PRKCE: variants seen among roughly 807,000 people sequenced by gnomAD.
PRKCE encodes the protein protein kinase C epsilon, also known as protein kinase C epsilon type.
Under a neutral mutation model 85.4 loss-of-function variants are expected in PRKCE, and 16 were observed. The observed-to-expected ratio is 0.19, with a 90% CI of 0.13 to 0.28. The LOEUF is 0.28. PRKCE is among the 10% of genes least tolerant of loss of function. The pLI, the probability that PRKCE is intolerant of heterozygous loss-of-function variation, is 1.00. For synonymous variants in PRKCE, 388 were observed against 371.5 expected, an observed-to-expected ratio of 1.04 and a Z score of -0.51; for missense variants, 573 against 975.2, an observed-to-expected ratio of 0.59 and a Z score of 5.49.
intron 1 of PRKCE, among the ~76,000 whole-genome samples, chr2:45,773,204 C>T (rs1278656100): frequency 6.6e-6 from 1 of 152,200 alleles, no homozygotes; most frequent in East Asian, 1.9e-4. Flanking sequence ...TCCAACTCTG[C>T]TCTCTGATGT....
chr2:45,670,295 T>C (rs997091814), intron 1 of PRKCE, among the ~76,000 whole-genome samples: 2 of 152,192 alleles, frequency 1.3e-5, no homozygotes, highest in African/African-American at 4.8e-5. Context: ...TTTTTCTTTC[T>C]GAAGGAGAAA....
chr2:46,014,107 C>T (rs1330179511), intron 10 of PRKCE, among the ~76,000 whole-genome samples: 1 of 152,116 alleles, frequency 6.6e-6, no homozygotes, highest in East Asian at 1.9e-4. Flanking sequence ...TCTAGAAAGG[C>T]AAAAAGCAAA....
At chr2:46,169,046 G>A (rs1394150459) in intron 14 of PRKCE, among the ~76,000 whole-genome samples, 1 of 152,212 alleles carries the variant, frequency 6.6e-6, no homozygotes. Context: ...CAGCCCTCCA[G>A]CCAGAATTTG....
chr2:46,072,575 C>T (rs1170943736), intron 10 of PRKCE, among the ~76,000 whole-genome samples: 1 of 152,206 alleles, frequency 6.6e-6, no homozygotes, highest in Non-Finnish European at 1.5e-5. Context: ...TTCAGGTCCT[C>T]AATTTGATTT....
chr2:46,027,540 A>G (rs1466516810), intron 10 of PRKCE, among the ~76,000 whole-genome samples: 1 of 151,956 alleles, frequency 6.6e-6, no homozygotes. Flanking sequence ...CATATTTTAC[A>G]TATTCTCATT....
intron 1 of PRKCE, among the ~76,000 whole-genome samples, chr2:45,769,367 C>T (rs1423170705): frequency 6.6e-6 from 1 of 152,086 alleles, no homozygotes; most frequent in Non-Finnish European, 1.5e-5. Flanking sequence ...TTCAGTCATG[C>T]TGCCTCCCTT....
chr2:45,961,825 A>T (rs1230413208), intron 2 of PRKCE, among the ~76,000 whole-genome samples: 2 of 151,980 alleles, frequency 1.3e-5, no homozygotes, highest in African/African-American at 4.8e-5. Flanking sequence ...CTTCCTGAGT[A>T]GCTGGGATTA....
At chr2:46,156,465 C>T (rs970189707) in intron 13 of PRKCE, among the ~76,000 whole-genome samples, 7 of 152,318 alleles carry the variant, frequency 4.6e-5, no homozygotes, top group South Asian at 4.2e-4. Context: ...GGGCAGGGAC[C>T]GTGTCTCATC....
intron 1 of PRKCE, among the ~76,000 whole-genome samples, chr2:45,832,806 C>T (rs959251134): frequency 2.0e-5 from 3 of 152,144 alleles, no homozygotes; most frequent in Admixed American, 6.5e-5. Flanking sequence ...TGTGAGGATG[C>T]GCGCAAGTTA....
At chr2:46,174,911 A>C (rs1679278121) in intron 14 of PRKCE, among the ~76,000 whole-genome samples, 1 of 151,732 alleles carries the variant, frequency 6.6e-6, no homozygotes, top group South Asian at 2.1e-4. Context: ...GGCTGGTCTC[A>C]AACTCCTGGG....
intron 2 of PRKCE, among the ~76,000 whole-genome samples, chr2:45,861,075 A>C (rs1203633103): frequency 6.6e-6 from 1 of 152,154 alleles, no homozygotes; most frequent in Non-Finnish European, 1.5e-5. Context: ...AGCAACGAGA[A>C]TTTGGCTTTT....
chr2:46,084,908 T>C (rs185707818), intron 10 of PRKCE, among the ~76,000 whole-genome samples: 233 of 152,286 alleles, frequency 1.5e-3, no homozygotes, highest in Non-Finnish European at 2.3e-3. Flanking sequence ...CAGGCCTAGC[T>C]GCATCTAAAA....
chr2:45,862,740 G>A (rs1438946272), intron 2 of PRKCE, among the ~76,000 whole-genome samples: 2 of 152,140 alleles, frequency 1.3e-5, no homozygotes, highest in African/African-American at 2.4e-5. Flanking sequence ...CCAAAAGTCA[G>A]CTCTATTCTG....
chr2:45,956,477 C>G (rs1574016933), intron 2 of PRKCE, among the ~76,000 whole-genome samples: 1 of 150,308 alleles, frequency 6.7e-6, no homozygotes, highest in Non-Finnish European at 1.5e-5. Flanking sequence ...GTCAGGAGTT[C>G]AAGACCAGCC....
chr2:46,107,280 C>T (rs977521220), intron 11 of PRKCE, among the ~76,000 whole-genome samples: 1 of 152,208 alleles, frequency 6.6e-6, no homozygotes, highest in South Asian at 2.1e-4. Flanking sequence ...GCTTCTTTCA[C>T]CTGGCAATAT....
At chr2:45,988,971 G>A (rs556404833) in intron 6 of PRKCE, among the ~76,000 whole-genome samples, 2 of 152,240 alleles carry the variant, frequency 1.3e-5, no homozygotes, top group East Asian at 3.9e-4. Flanking sequence ...CCCTTTGATT[G>A]CAGTTTCCTT....
chr2:46,101,831 T>C (rs559842347), intron 11 of PRKCE, among the ~76,000 whole-genome samples: 3 of 147,556 alleles, frequency 2.0e-5, no homozygotes, highest in Non-Finnish European at 3.0e-5. Context: ...TCTAGTGTTT[T>C]GGTGGTGTAT....
intron 10 of PRKCE, chr2:46,010,886 A>G: frequency 2.0e-6 from 3 of 1,490,022 alleles, no homozygotes; most frequent in South Asian, 1.3e-5. Flanking sequence ...TTTTCATGTC[A>G]TATGAAAAAG....
intron 1 of PRKCE, among the ~76,000 whole-genome samples, chr2:45,690,281 T>A (rs563312515): frequency 7.0e-6 from 1 of 143,666 alleles, no homozygotes; most frequent in Admixed American, 7.2e-5. Context: ...GTTAAAAAGA[T>A]GTCTGAGATG....
Sources: allele counts gnomAD v4.1 joint callset (sites outside exome capture counted in the v4.1 genomes callset), GRCh38; gene constraint gnomAD v4.1.1; transcripts MANE v1.5; gene names NCBI Gene and HGNC (gene_info 2026-07-23, HGNC 2026-07-21).